The following KCNB2 variants were observed in gnomAD, a reference collection of about 807,000 sequenced individuals.
KCNB2 encodes the protein delayed rectifier potassium channel protein.
In KCNB2, 15 loss-of-function variants were observed where a neutral mutation model predicts 61.5. That is an observed-to-expected ratio of 0.24 (90% confidence interval 0.16 to 0.38). KCNB2 has a LOEUF of 0.38. KCNB2 is among the 10% of genes least tolerant of loss of function. The pLI, the probability that KCNB2 is intolerant of heterozygous loss-of-function variation, is 1.00. For synonymous variants in KCNB2, 457 were observed against 446.0 expected (o/e 1.02, Z -0.31); for missense variants, 828 against 1,125.2 (o/e 0.74, Z 3.78).
intron 2 of KCNB2, among the ~76,000 whole-genome samples, chr8:72,701,583 CT>C (rs1159514493): frequency 2.0e-5 from 3 of 152,146 alleles, no homozygotes; most frequent in Middle Eastern, 3.4e-3. Context: ...TTTTTTCATA[CT>C]TTCTAGATTA....
chr8:72,541,656 A>AC (rs1176833541), intron 1 of KCNB2, among the ~76,000 whole-genome samples: 1 of 151,914 alleles, frequency 6.6e-6, no homozygotes, highest in Non-Finnish European at 1.5e-5. Flanking sequence ...GTAAGAGAAA[A>AC]CCCCCATATT....
intron 2 of KCNB2, among the ~76,000 whole-genome samples, chr8:72,756,536 A>C (rs1193595376): frequency 6.6e-6 from 1 of 152,202 alleles, no homozygotes; most frequent in South Asian, 2.1e-4. Context: ...GCTAATTATA[A>C]CATATTTTGG....
intron 2 of KCNB2, among the ~76,000 whole-genome samples, chr8:72,823,931 T>A (rs574251992): frequency 6.6e-6 from 1 of 152,300 alleles, no homozygotes; most frequent in East Asian, 1.9e-4. Context: ...TCAAGGACCC[T>A]GGGAGCCCCA....
At chr8:72,898,479 T>C (rs983803355) in intron 2 of KCNB2, among the ~76,000 whole-genome samples, 1 of 152,072 alleles carries the variant, frequency 6.6e-6, no homozygotes, top group African/African-American at 2.4e-5. Context: ...AGCTGACCAC[T>C]TATTTTGTCT....
intron 1 of KCNB2, among the ~76,000 whole-genome samples, chr8:72,538,478 T>C (rs1806147106): frequency 6.6e-6 from 1 of 152,204 alleles, no homozygotes; most frequent in Non-Finnish European, 1.5e-5. Context: ...AATGATCCTC[T>C]TCAAAATAGT....
At chr8:72,688,711 T>C (rs1006899403) in intron 2 of KCNB2, among the ~76,000 whole-genome samples, 2 of 152,166 alleles carry the variant, frequency 1.3e-5, no homozygotes, top group Non-Finnish European at 2.9e-5. Context: ...AGGAGGAAGC[T>C]TAATTTACTC....
At chr8:72,599,056 CA>C (rs1488985763) in intron 2 of KCNB2, among the ~76,000 whole-genome samples, 2 of 152,140 alleles carry the variant, frequency 1.3e-5, no homozygotes, top group African/African-American at 4.8e-5. Context: ...CCGTCCCCAT[CA>C]AACTACCAAT....
chr8:72,907,583 A>G (rs749952547), intron 2 of KCNB2, among the ~76,000 whole-genome samples: 4 of 152,222 alleles, frequency 2.6e-5, no homozygotes, highest in Non-Finnish European at 5.9e-5. Flanking sequence ...ACCTAAAAGG[A>G]GAATTCAACC....
chr8:72,747,138 A>G (rs775593770), intron 2 of KCNB2, among the ~76,000 whole-genome samples: 1 of 152,148 alleles, frequency 6.6e-6, no homozygotes, highest in African/African-American at 2.4e-5. Context: ...CCACAAAGGG[A>G]AGCCCCAGGG....
chr8:72,593,050 C>A (rs1807126611), intron 2 of KCNB2, among the ~76,000 whole-genome samples: 1 of 152,024 alleles, frequency 6.6e-6, no homozygotes, highest in African/African-American at 2.4e-5. Flanking sequence ...ATAAAGTTGT[C>A]CTAAGAGCAG....
chr8:72,862,304 A>G (rs1303498662), intron 2 of KCNB2, among the ~76,000 whole-genome samples: 2 of 152,224 alleles, frequency 1.3e-5, no homozygotes, highest in African/African-American at 4.8e-5. Flanking sequence ...AATTAGTTAA[A>G]CAAATAATTA....
chr8:72,924,067 A>G (rs1806587091), intron 2 of KCNB2, among the ~76,000 whole-genome samples: 1 of 152,202 alleles, frequency 6.6e-6, no homozygotes, highest in African/African-American at 2.4e-5. Flanking sequence ...CAGAACCAGG[A>G]TGAGGGTCAA....
At position 72,881,558 on chromosome 8, in the gene KCNB2, G is replaced by C. The variant is rs1276711561; in HGVS notation, c.580-54377G>C. 6 of 2,992 alleles carry C rather than the reference G, an allele frequency of 2.0e-3. 3 individuals are homozygous for C. In the African/African-American group the frequency reaches 0.12, roughly 58 times the overall value. The allele number at this position is 2,992 out of a possible 1,614,324, so 0.2% of individuals were successfully genotyped here. ...CTCACGCTGGGAGCTGTAGACCGGA[G>C]CTGTTCCTATTCGGCCATCTTGGCT... On this transcript the variant is annotated intron_variant, in intron 2 of 2. Transcript: ENST00000523207.
intron 2 of KCNB2, among the ~76,000 whole-genome samples, chr8:72,863,837 T>G (rs1440230745): frequency 1.3e-5 from 2 of 152,084 alleles, no homozygotes; most frequent in East Asian, 3.9e-4. Context: ...TGGCGAAACC[T>G]CGTCTCTACA....
intron 2 of KCNB2, among the ~76,000 whole-genome samples, chr8:72,795,186 C>A (rs1344481570): frequency 2.0e-5 from 3 of 152,154 alleles, no homozygotes; most frequent in Non-Finnish European, 2.9e-5. Context: ...ACATTTCTTT[C>A]TAAAGTAGAA....
At chr8:72,664,471 C>T (rs950035584) in intron 2 of KCNB2, among the ~76,000 whole-genome samples, 4 of 152,194 alleles carry the variant, frequency 2.6e-5, no homozygotes, top group South Asian at 2.1e-4. Flanking sequence ...ATCTCTGGTT[C>T]GATTAATGGC....
At chr8:72,837,649 A>G (rs1809803407) in intron 2 of KCNB2, among the ~76,000 whole-genome samples, 1 of 152,194 alleles carries the variant, frequency 6.6e-6, no homozygotes, top group Non-Finnish European at 1.5e-5. Flanking sequence ...ATAAGTTTAA[A>G]ATTTATTGTC....
chr8:72,847,975 C>T (rs148008486), intron 2 of KCNB2, among the ~76,000 whole-genome samples: 2,227 of 152,234 alleles, frequency 0.015, 65 homozygotes, highest in African/African-American at 0.051. Context: ...TCCCCCTAAA[C>T]ACTCATTCTC....
chr8:72,817,946 A>G (rs546598835), intron 2 of KCNB2, among the ~76,000 whole-genome samples: 1 of 152,180 alleles, frequency 6.6e-6, no homozygotes, highest in Non-Finnish European at 1.5e-5. Context: ...AAATATCTTC[A>G]TGGATGTCTG....
Sources: allele counts gnomAD v4.1 joint callset (sites outside exome capture counted in the v4.1 genomes callset), GRCh38; gene constraint gnomAD v4.1.1; transcripts MANE v1.5; gene names NCBI Gene and HGNC (gene_info 2026-07-23, HGNC 2026-07-21).